PCDHGA12: variants seen among roughly 807,000 people sequenced by gnomAD.
PCDHGA12 encodes the protein protocadherin gamma subfamily A, 12, also known as protocadherin gamma-A12.
PCDHGA12 carries 43 observed loss-of-function variants against 61.1 expected under a neutral mutation model. That is an observed-to-expected ratio of 0.70 (90% CI 0.55 to 0.91). PCDHGA12 has a LOEUF of 0.91. PCDHGA12 is among the 40% of genes least tolerant of loss of function. The pLI, the probability that PCDHGA12 is intolerant of heterozygous loss-of-function variation, is 0.00. For synonymous variants in PCDHGA12, 520 were observed against 542.9 expected (o/e 0.96, Z 0.59); for missense variants, 1,236 against 1,227.7 (o/e 1.01, Z -0.10).
At chr5:141,492,197 TA>T (rs2099738125) in intron 1 of PCDHGA12, among the ~76,000 whole-genome samples, 1 of 152,200 alleles carries the variant, frequency 6.6e-6, no homozygotes, top group African/African-American at 2.4e-5. Flanking sequence ...CTGCGGGACT[TA>T]GGTGTGCGCG....
At chr5:141,482,667 G>C (rs2099569914) in intron 1 of PCDHGA12, among the ~76,000 whole-genome samples, 1 of 151,094 alleles carries the variant, frequency 6.6e-6, no homozygotes, top group Admixed American at 6.6e-5. Context: ...ATGATCTAAA[G>C]GTTGAGTAGT....
rs1467125550 is a variant in PCDHGA12 at position 141,511,799 on chromosome 5, T to G, written c.*626T>G. 6.4e-6 allele frequency: 1 copy of G among 157,228 alleles called. No homozygotes were observed. The highest frequency in any genetic ancestry group is 1.4e-5 in the Non-Finnish European group (1 of 70,874). 9.7% of individuals were successfully genotyped at this position (157,228 alleles called of 1,614,324 possible). ...TGCTTGCTGGATTTAGGGAGGGCAT[T>G]TTGCTACCAAGCCTCTTCCCAACGC... On this transcript the variant is annotated 3_prime_UTR_variant, in exon 4 of 4. Coordinates refer to ENST00000252085, the MANE Select transcript of PCDHGA12 (RefSeq NM_003735.3).
At position 141,432,987 on chromosome 5, in the gene PCDHGA12, T is replaced by C. The variant is rs1259121931; in HGVS notation, c.2228T>C (p.Val743Ala). ...GCGCCGGCGTCGCACTTTGTGGGCGTGGACGGGGTGCAGGCTTTCCTGCAG... is the reference window on the plus strand; with the variant it reads ...GCGCCGGCGTCGCACTTTGTGGGCGCGGACGGGGTGCAGGCTTTCCTGCAG... ...TGAPASHFVG[V>A]DGVQAFLQTY... The change falls in exon 1 of 4, where the codon GTG becomes GCG. Residue 743 changes from valine (V) to alanine (A), a missense_variant. Coordinates refer to ENST00000252085, the MANE Select transcript of PCDHGA12 (RefSeq NM_003735.3). The surrounding 1 kb of genome is among the most constrained non-coding windows in gnomAD (Gnocchi z 6.0). The C allele has an allele frequency of 3.7e-6, 6 of 1,614,174 alleles. No individual in the cohort carries two copies. Among genetic ancestry groups the C allele is most frequent in the Non-Finnish European group, 5.1e-6 (6 of 1,180,032 alleles).
intron 1 of PCDHGA12, among the ~76,000 whole-genome samples, chr5:141,482,053 C>G (rs2099551080): frequency 6.6e-6 from 1 of 150,558 alleles, no homozygotes; most frequent in Non-Finnish European, 1.5e-5. Flanking sequence ...CTGTTGCATT[C>G]CAGCCTGGGC....
At chr5:141,488,599 C>T (rs1017044328) in intron 1 of PCDHGA12, among the ~76,000 whole-genome samples, 1 of 152,152 alleles carries the variant, frequency 6.6e-6, no homozygotes, top group Non-Finnish European at 1.5e-5. Flanking sequence ...CAAGACTTTA[C>T]AAGGTTCTTA....
rs777761385 is a variant in PCDHGA12 at position 141,489,558 on chromosome 5, G to T, written c.2425-5249G>T. 1.1e-5 allele frequency: 17 copies of T among 1,614,130 alleles called. No homozygotes were observed. In the South Asian group the frequency reaches 1.8e-4, roughly 17 times the overall value. On this transcript the variant is annotated intron_variant, in intron 1 of 3. Coordinates refer to ENST00000252085, the MANE Select transcript of PCDHGA12 (RefSeq NM_003735.3). The surrounding 1 kb of genome is among the most constrained non-coding windows in gnomAD (Gnocchi z 4.5). Reference sequence around the variant, plus strand: ...CCAGCACCAGCTGCCTGCTGCCAGTGCAGGTGGTGACTGAACACCCCCTGG... The same window carrying T: ...CCAGCACCAGCTGCCTGCTGCCAGTTCAGGTGGTGACTGAACACCCCCTGG...
chr5:141,500,434 C>T (rs1216731905), intron 2 of PCDHGA12, among the ~76,000 whole-genome samples: 1 of 152,014 alleles, frequency 6.6e-6, no homozygotes, highest in Non-Finnish European at 1.5e-5. Flanking sequence ...TGGTCTCGAT[C>T]TCCTGACCTC....
intron 1 of PCDHGA12, among the ~76,000 whole-genome samples, chr5:141,463,642 G>A (rs573143516): frequency 6.6e-6 from 1 of 151,750 alleles, no homozygotes; most frequent in South Asian, 2.1e-4. Context: ...TAGTAGAGAC[G>A]GGGTTTCACC....
intron 1 of PCDHGA12, among the ~76,000 whole-genome samples, chr5:141,465,307 T>C (rs2099100636): frequency 6.6e-6 from 1 of 152,218 alleles, no homozygotes; most frequent in Non-Finnish European, 1.5e-5. Context: ...CCTGGGAATT[T>C]AGCCATGTCA....
At chr5:141,502,203 C>G (rs1562205141) in intron 2 of PCDHGA12, among the ~76,000 whole-genome samples, 1 of 152,122 alleles carries the variant, frequency 6.6e-6, no homozygotes. Context: ...ATAGAATCCA[C>G]CAGCAGATTT....
At chr5:141,500,866 A>G (rs576713520) in intron 2 of PCDHGA12, among the ~76,000 whole-genome samples, 19 of 146,112 alleles carry the variant, frequency 1.3e-4, no homozygotes, top group South Asian at 4.3e-4. Context: ...AAACATACAC[A>G]TTCATTTACA....
chr5:141,490,978 C>T lies in PCDHGA12; in HGVS notation c.2425-3829C>T. 6.2e-7 allele frequency: 1 copy of T among 1,614,100 alleles called. No individual in the cohort carries two copies. Among genetic ancestry groups the T allele is most frequent in the Non-Finnish European group, 8.5e-7 (1 of 1,180,034 alleles). ...GGAACACTCAGCCCCCCAGCGTCTC[C>T]CTCGCTCTGCTCCTCCTGGCTCCTT... is the stretch of plus-strand genomic sequence containing the variant. On this transcript the variant is annotated intron_variant, in intron 1 of 3. Coordinates refer to ENST00000252085, the MANE Select transcript of PCDHGA12 (RefSeq NM_003735.3). The surrounding 1 kb of genome is among the most constrained non-coding windows in gnomAD (Gnocchi z 5.4).
rs147506725 is a variant in PCDHGA12, at chr5:141,442,240, G to A, written c.2424+9057G>A. Reference sequence around the variant, plus strand: ...CTTTAATTTCCTTTTTATTCTTCCTGATTGCATTGTTTGTGCTGGTTTTAA... The same window carrying A: ...CTTTAATTTCCTTTTTATTCTTCCTAATTGCATTGTTTGTGCTGGTTTTAA... On this transcript the variant is annotated intron_variant, in intron 1 of 3. Transcript: ENST00000252085. 1,291 of 153,334 alleles carry A rather than the reference G, an allele frequency of 8.4e-3. 26 individuals carry two copies. The highest frequency in any genetic ancestry group is 0.029 in the African/African-American group (1,208 of 41,552). 9.5% of individuals were successfully genotyped at this position (153,334 alleles called of 1,614,324 possible).
intron 3 of PCDHGA12, 110 bp from the exon 4 acceptor site, chr5:141,510,837 G>A (rs969654751): frequency 1.3e-6 from 2 of 1,586,392 alleles, no homozygotes; most frequent in Non-Finnish European, 8.6e-7. Context: ...GCTCAGCGTG[G>A]TCAAGGCCCA....
rs777924092 is a variant in PCDHGA12 at position 141,487,482 on chromosome 5, A to T, written c.2425-7325A>T. The T allele has an allele frequency of 1.2e-6, 2 of 1,614,164 alleles. No individual in the cohort carries two copies. Among genetic ancestry groups the T allele is most frequent in the South Asian group, 2.2e-5 (2 of 91,086 alleles). ...TTTGTTGATGTGGGAGGCCACTCTCATGGCTGTACACCCTTGGCTTCTGCA... is the reference window on the plus strand; with the variant it reads ...TTTGTTGATGTGGGAGGCCACTCTCTTGGCTGTACACCCTTGGCTTCTGCA... On this transcript the variant is annotated intron_variant, in intron 1 of 3. Coordinates refer to ENST00000252085, the MANE Select transcript of PCDHGA12 (RefSeq NM_003735.3). The surrounding 1 kb of genome is among the most constrained non-coding windows in gnomAD (Gnocchi z 5.0).
chr5:141,431,976 C>T lies in PCDHGA12; in HGVS notation c.1217C>T (p.Thr406Ile), dbSNP rs2097433306. ...KSYGNYYSLVTDIVLDREQVP... is the reference protein window; with the variant it reads ...KSYGNYYSLVIDIVLDREQVP... ...TACGGAAATTACTATAGTTTAGTCACAGACATAGTCTTGGATAGGGAACAG... is the reference window on the plus strand; with the variant it reads ...TACGGAAATTACTATAGTTTAGTCATAGACATAGTCTTGGATAGGGAACAG... The change falls in exon 1 of 4, where the codon ACA becomes ATA. Residue 406 changes from threonine (T) to isoleucine (I), a missense_variant. Physicochemically the swap from Thr to Ile is moderately conservative, Grantham distance 89. Transcript: ENST00000252085. This position sits in a 1 kb window ranked among gnomAD's most constrained non-coding sequence, Gnocchi z 4.8. 6.2e-7 allele frequency: 1 copy of T among 1,614,078 alleles called. No individual in the cohort carries two copies. The highest frequency in any genetic ancestry group is 1.3e-5 in the African/African-American group (1 of 74,934).
intron 2 of PCDHGA12, among the ~76,000 whole-genome samples, chr5:141,496,703 GT>G (rs1360916053): frequency 6.6e-6 from 1 of 152,132 alleles, no homozygotes; most frequent in East Asian, 1.9e-4. Context: ...CTTCTCATAA[GT>G]TATCCATTAA....
Position 141,432,320 on chromosome 5 carries a change from G to A in PCDHGA12, c.1561G>A (p.Asp521Asn), listed in dbSNP as rs369088426. 4 of 1,614,120 alleles carry A rather than the reference G, an allele frequency of 2.5e-6. No individual in the cohort carries two copies. The African/African-American group carries it at 4.0e-5, about 16-fold the overall frequency. The change falls in exon 1 of 4, where the codon GAC (aspartate) becomes AAC (asparagine). Residue 521 changes from aspartate (D) to asparagine (N), a missense_variant. Coordinates refer to ENST00000252085, the MANE Select transcript of PCDHGA12 (RefSeq NM_003735.3). The surrounding 1 kb of genome is among the most constrained non-coding windows in gnomAD (Gnocchi z 6.0). ...TGVLYALSSF[D>N]YEQFRDLQVK... ...GGTACTGTATGCGCTGAGCTCCTTC[G>A]ACTACGAGCAGTTCCGAGACTTGCA...
intron 1 of PCDHGA12, among the ~76,000 whole-genome samples, chr5:141,446,747 G>T (rs997132200): frequency 3.9e-5 from 6 of 152,190 alleles, no homozygotes; most frequent in Non-Finnish European, 8.8e-5. Context: ...GATTACAGGC[G>T]TGAGCCACCG....
Sources: gnomAD v4.1 joint callset for allele counts (sites outside exome capture counted in the v4.1 genomes callset) on GRCh38, gnomAD v4.1.1 for gene constraint, Gnocchi (gnomAD v3.1) non-coding constraint, MANE v1.5 for transcripts, NCBI Gene and HGNC (gene_info 2026-07-23, HGNC 2026-07-21) for gene names.